FANCB: variants seen among roughly 807,000 people sequenced by gnomAD.
The protein encoded by FANCB is Fanconi anemia group B protein.
A neutral mutation model predicts 38.9 loss-of-function variants in FANCB; 5 were observed. The ratio of observed to expected loss-of-function variants is 0.13; its 90% confidence interval spans 0.07 to 0.27. FANCB has a LOEUF of 0.27. Ranked by LOEUF, FANCB falls within the 10% of genes least tolerant of loss-of-function variation. The probability of loss-of-function intolerance (pLI) is 1.00; values close to 1 mark genes in which losing one functional copy is unlikely to be tolerated. For synonymous variants in FANCB, 236 were observed against 215.4 expected (o/e 1.10, Z -0.84); for missense variants, 573 against 602.7 (o/e 0.95, Z 0.52).
the FANCB span, chrX:14,690,937 C>T: frequency 2.1e-5 from 22 of 1,036,945 alleles, no homozygotes; most frequent in Non-Finnish European, 2.8e-5. Context: ...AACAGAAGAG[C>T]ACACAATAAG....
chrX:14,761,713 C>A, the FANCB span, among the ~76,000 whole-genome samples: 7 of 111,259 alleles, frequency 6.3e-5, no homozygotes, highest in Non-Finnish European at 1.1e-4. Context: ...TTTTAGAACA[C>A]TAAGAAACAA....
At chrX:14,817,634 T>C in the FANCB span, among the ~76,000 whole-genome samples, 3 of 111,873 alleles carry the variant, frequency 2.7e-5, no homozygotes, top group Non-Finnish European at 5.6e-5. Context: ...CTGCATTACA[T>C]TGTCAGCGCA....
chrX:14,705,911 T>C, the FANCB span, among the ~76,000 whole-genome samples: 2 of 111,911 alleles, frequency 1.8e-5, no homozygotes, highest in Admixed American at 1.9e-4. Flanking sequence ...CTCTATCTGC[T>C]GCTGCTAGGA....
the FANCB span, among the ~76,000 whole-genome samples, chrX:14,743,316 G>A: frequency 2.7e-5 from 3 of 111,470 alleles, no homozygotes; most frequent in Non-Finnish European, 5.6e-5. Flanking sequence ...AATGTCAAAG[G>A]TATCTGAAAA....
chrX:14,776,385 G>C, the FANCB span, among the ~76,000 whole-genome samples: 1 of 112,128 alleles, frequency 8.9e-6, no homozygotes, highest in East Asian at 2.8e-4. Context: ...GTTGGGGAAA[G>C]AGCAACAGTT....
the FANCB span, among the ~76,000 whole-genome samples, chrX:14,774,945 G>A: frequency 0.014 from 1,551 of 110,374 alleles, 26 homozygotes; most frequent in African/African-American, 0.041. Flanking sequence ...CCATTCTCCC[G>A]CCTCAGCCTC....
the FANCB span, among the ~76,000 whole-genome samples, chrX:14,820,172 T>A: frequency 9.0e-6 from 1 of 110,866 alleles, no homozygotes; most frequent in Admixed American, 9.6e-5. Context: ...AAAACACTAA[T>A]CTCTCTCTCT....
chrX:14,780,134 A>G, the FANCB span, among the ~76,000 whole-genome samples: 1 of 110,984 alleles, frequency 9.0e-6, no homozygotes, highest in African/African-American at 3.4e-5. Flanking sequence ...TGTGTTCCCG[A>G]AGCCTGGGAC....
chrX:14,717,703 T>A, the FANCB span, among the ~76,000 whole-genome samples: 5 of 102,218 alleles, frequency 4.9e-5, no homozygotes, highest in Non-Finnish European at 9.7e-5. Flanking sequence ...TTAGATGAGC[T>A]TGGATTTACT....
intron 2 of FANCB, 35 bp downstream of exon 2, chrX:14,868,888 C>T (rs1251344340): frequency 9.0e-6 from 1 of 111,100 alleles, no homozygotes; most frequent in Non-Finnish European, 1.9e-5. Flanking sequence ...TCAATAAAAA[C>T]AGGTAAATAA....
the FANCB span, among the ~76,000 whole-genome samples, chrX:14,703,418 T>G: frequency 6.3e-5 from 7 of 111,880 alleles, no homozygotes; most frequent in Non-Finnish European, 1.1e-4. Flanking sequence ...TGTGTACCTC[T>G]GACCACAGTT....
At position 14,843,931 on chromosome X, in the gene FANCB, G is replaced by C; in HGVS notation, c.2216C>G (p.Pro739Arg). 8.3e-7 allele frequency: 1 copy of C among 1,201,764 alleles called. No homozygotes were observed. Among genetic ancestry groups the C allele is most frequent in the Non-Finnish European group, 1.1e-6 (1 of 888,028 alleles). ...QCLHNLIRIL[P>R]INCFLKNLKS... ...TAGATTTTTGAGGAAACAGTTTATA[G>C]GGAGAATTCTGATGAGATTATGAAG... The change falls in exon 10 of 10, where the codon CCT becomes CGT. Residue 739 changes from proline (P) to arginine (R), a missense_variant. Transcript: ENST00000650831.
At chrX:14,720,997 A>G in the FANCB span, among the ~76,000 whole-genome samples, 3 of 109,145 alleles carry the variant, frequency 2.7e-5, no homozygotes, top group Non-Finnish European at 5.7e-5. Context: ...ATGGTGGCAC[A>G]TGACCCGTCC....
the FANCB span, among the ~76,000 whole-genome samples, chrX:14,706,467 A>G: frequency 8.9e-6 from 1 of 112,558 alleles, no homozygotes; most frequent in Admixed American, 9.4e-5. Flanking sequence ...GGTAAGAAAT[A>G]TTAAGTTTAT....
At chrX:14,705,802 T>G in the FANCB span, among the ~76,000 whole-genome samples, 49 of 112,063 alleles carry the variant, frequency 4.4e-4, no homozygotes, top group Non-Finnish European at 1.3e-4. Context: ...ATGAATTTTG[T>G]TGGGTGTATG....
At chrX:14,747,906 T>C in the FANCB span, among the ~76,000 whole-genome samples, 2 of 112,148 alleles carry the variant, frequency 1.8e-5, no homozygotes, top group Non-Finnish European at 3.8e-5. Context: ...GGAAAAGGGC[T>C]CCTTTAGTAT....
the FANCB span, among the ~76,000 whole-genome samples, chrX:14,735,706 C>G: frequency 8.9e-6 from 1 of 112,531 alleles, no homozygotes; most frequent in Non-Finnish European, 1.9e-5. Context: ...TCAGGAGGCA[C>G]AGAGGTCAGG....
At chrX:14,712,041 T>C in the FANCB span, among the ~76,000 whole-genome samples, 1 of 113,000 alleles carries the variant, frequency 8.8e-6, no homozygotes, top group Non-Finnish European at 1.9e-5. Flanking sequence ...TGTCATGTTA[T>C]TATAGAAAAA....
the FANCB span, among the ~76,000 whole-genome samples, chrX:14,733,651 C>G: frequency 9.7e-4 from 109 of 111,929 alleles, no homozygotes; most frequent in African/African-American, 3.3e-3. Flanking sequence ...GTTAATTCAT[C>G]ATTTGACTCT....
Sources: gnomAD v4.1 joint callset for allele counts (sites outside exome capture counted in the v4.1 genomes callset) on GRCh38, gnomAD v4.1.1 for gene constraint, MANE v1.5 for transcripts, NCBI Gene and HGNC (gene_info 2026-07-23, HGNC 2026-07-21) for gene names.